ANAPC10: variants seen among roughly 807,000 people sequenced by gnomAD.
ANAPC10 encodes the protein anaphase-promoting complex subunit 10.
ANAPC10 carries 12 observed loss-of-function variants against 22.0 expected under a neutral mutation model. The observed-to-expected ratio is 0.55, with a 90% CI of 0.35 to 0.88. ANAPC10 has a LOEUF of 0.88. Ranked by LOEUF, ANAPC10 falls within the 40% of genes least tolerant of loss-of-function variation. ANAPC10 has a pLI of 0.01. For synonymous variants in ANAPC10, 65 were observed against 69.5 expected (o/e 0.94, Z 0.32); for missense variants, 188 against 220.9 (o/e 0.85, Z 0.94).
chr4:145,085,770 C>T (rs1004589299), intron 2 of ANAPC10, among the ~76,000 whole-genome samples: 7 of 152,116 alleles, frequency 4.6e-5, no homozygotes, highest in African/African-American at 1.4e-4. Flanking sequence ...ATATGCCTTA[C>T]AAACGGAACC....
chr4:145,069,356 C>T (rs773606417), intron 3 of ANAPC10, among the ~76,000 whole-genome samples: 69 of 152,294 alleles, frequency 4.5e-4, no homozygotes, highest in Admixed American at 1.0e-3. Context: ...AAAGAAAAAA[C>T]TCCAGAAATA....
chr4:145,094,136 C>T (rs1237486645), intron 2 of ANAPC10, among the ~76,000 whole-genome samples: 2 of 152,316 alleles, frequency 1.3e-5, no homozygotes, highest in African/African-American at 4.8e-5. Flanking sequence ...CAAACTGGTA[C>T]ACCCATATTG....
At chr4:145,036,758 T>C (rs1161369503) in intron 4 of ANAPC10, among the ~76,000 whole-genome samples, 1 of 152,040 alleles carries the variant, frequency 6.6e-6, no homozygotes, top group East Asian at 1.9e-4. Flanking sequence ...CTTAGTAAGT[T>C]AGCAAAACAA....
At chr4:145,086,891 T>C (rs998204009) in intron 2 of ANAPC10, among the ~76,000 whole-genome samples, 4 of 151,952 alleles carry the variant, frequency 2.6e-5, no homozygotes, top group African/African-American at 9.7e-5. Flanking sequence ...AGTATTCATC[T>C]ATGGTTATTG....
intron 4 of ANAPC10, among the ~76,000 whole-genome samples, chr4:145,002,544 T>TAA (rs1162256805): frequency 1.3e-5 from 2 of 152,146 alleles, no homozygotes; most frequent in African/African-American, 4.8e-5. Flanking sequence ...TAACTAGTCT[T>TAA]AAAGTAACTT....
At chr4:145,085,452 G>A (rs1195680240) in intron 2 of ANAPC10, among the ~76,000 whole-genome samples, 2 of 148,198 alleles carry the variant, frequency 1.3e-5, no homozygotes, top group African/African-American at 5.0e-5. Context: ...ATTTTATTTT[G>A]GCTACCTCAG....
intron 4 of ANAPC10, among the ~76,000 whole-genome samples, chr4:145,001,787 T>G (rs1289399932): frequency 1.3e-5 from 2 of 152,202 alleles, no homozygotes. Flanking sequence ...GTCTGGCTTC[T>G]GGATCTTCTG....
chr4:145,007,150 G>C (rs1733501806), intron 4 of ANAPC10, among the ~76,000 whole-genome samples: 1 of 152,074 alleles, frequency 6.6e-6, no homozygotes, highest in Non-Finnish European at 1.5e-5. Flanking sequence ...CAAGTCCTTA[G>C]AGACATACAA....
intron 3 of ANAPC10, among the ~76,000 whole-genome samples, chr4:145,080,738 T>G (rs1745874171): frequency 6.6e-6 from 1 of 151,646 alleles, no homozygotes; most frequent in Non-Finnish European, 1.5e-5. Context: ...AGAAACCCCA[T>G]CTCTACTAAA....
Position 145,015,164 on chromosome 4 carries a change from G to GC in ANAPC10, c.328-19562dup, listed in dbSNP as rs1368122148. The stretch of plus-strand genomic sequence containing the variant: ...TCGAGAGGCACCAGAGAAAGGCAAA[G>GC]CCCAATGCAAGGAAATCCAAAAAAT... On this transcript the variant is annotated intron_variant, in intron 4 of 4. Coordinates refer to ENST00000507656, the MANE Select transcript of ANAPC10 (RefSeq NM_001256706.2). 2.0e-5 allele frequency among the ~76,000 whole-genome samples: 3 copies of GC among 152,050 alleles called. No homozygotes were observed. In the East Asian group the frequency reaches 5.8e-4, roughly 29 times the overall value.
intron 4 of ANAPC10, among the ~76,000 whole-genome samples, chr4:145,015,146 G>A (rs1734910668): frequency 6.6e-6 from 1 of 151,882 alleles, no homozygotes; most frequent in South Asian, 2.1e-4. Context: ...ATTTCGAGAG[G>A]CACCAGAGAA....
At chr4:145,075,022 C>T (rs1027392663) in intron 3 of ANAPC10, among the ~76,000 whole-genome samples, 5 of 151,974 alleles carry the variant, frequency 3.3e-5, no homozygotes, top group Non-Finnish European at 7.4e-5. Flanking sequence ...GGCTTCAATC[C>T]CCTATTCTGC....
At chr4:145,012,940 T>G (rs544649260) in intron 4 of ANAPC10, among the ~76,000 whole-genome samples, 1 of 152,270 alleles carries the variant, frequency 6.6e-6, no homozygotes, top group Admixed American at 6.5e-5. Flanking sequence ...GTTCTCATGA[T>G]AGTGAGTGAG....
intron 4 of ANAPC10, among the ~76,000 whole-genome samples, chr4:145,000,125 T>C (rs921398973): frequency 1.3e-5 from 2 of 152,186 alleles, no homozygotes; most frequent in East Asian, 1.9e-4. Flanking sequence ...GGTAATACCA[T>C]TCAGGACATA....
chr4:145,011,450 A>G (rs1734307947), intron 4 of ANAPC10, among the ~76,000 whole-genome samples: 1 of 152,124 alleles, frequency 6.6e-6, no homozygotes, highest in South Asian at 2.1e-4. Flanking sequence ...GCTTATAGGT[A>G]AAACATAAAA....
intron 3 of ANAPC10, among the ~76,000 whole-genome samples, chr4:145,066,867 C>T (rs1432426877): frequency 2.0e-5 from 3 of 151,976 alleles, no homozygotes; most frequent in South Asian, 2.1e-4. Flanking sequence ...ATGTGTCTGT[C>T]GACCTCACAT....
intron 2 of ANAPC10, among the ~76,000 whole-genome samples, chr4:145,087,668 C>T (rs922556503): frequency 6.6e-6 from 1 of 152,102 alleles, no homozygotes; most frequent in Non-Finnish European, 1.5e-5. Flanking sequence ...CTAGTAGTTA[C>T]CTCACTGCAT....
Position 145,092,581 on chromosome 4 carries a change from C to T in ANAPC10, c.115+3404G>A, listed in dbSNP as rs1474781622. ...GCAGGCTAGCATAATAGTACAGCAA[C>T]ACTGAGAGCCCAAAACACAAGGTGA... On this transcript the variant is annotated intron_variant, in intron 2 of 4. Transcript: ENST00000507656. Among the ~76,000 whole-genome samples the T allele has an allele frequency of 4.6e-5, 7 of 152,286 alleles. No homozygotes were observed. The East Asian group carries it at 1.2e-3, about 25-fold the overall frequency.
At chr4:145,053,018 G>A (rs1741366321) in intron 4 of ANAPC10, among the ~76,000 whole-genome samples, 1 of 152,020 alleles carries the variant, frequency 6.6e-6, no homozygotes, top group South Asian at 2.1e-4. Flanking sequence ...TATTATTTTA[G>A]CTAAGTGTGC....
Sources: gnomAD v4.1 joint callset for allele counts (sites outside exome capture counted in the v4.1 genomes callset) on GRCh38, gnomAD v4.1.1 for gene constraint, MANE v1.5 for transcripts, NCBI Gene and HGNC (gene_info 2026-07-23, HGNC 2026-07-21) for gene names.